Variants in TRIM7 observed in about 807,000 individuals in gnomAD.
The protein encoded by TRIM7 is tripartite motif containing 7.
In TRIM7, 32 loss-of-function variants were observed where a neutral mutation model predicts 37.9. That is an observed-to-expected ratio of 0.84 (90% CI 0.64 to 1.13). The LOEUF (loss-of-function observed/expected upper bound fraction) is 1.13. Among genes scored for constraint, TRIM7 ranks in the 50% most tolerant of loss-of-function variants. The pLI is 0.00. For missense variants in TRIM7, 732 were observed against 714.0 expected (o/e 1.03, Z -0.29); for synonymous variants, 351 against 321.3 (o/e 1.09, Z -0.99).
intron 2 of TRIM7, chr5:181,200,326 C>T: frequency 7.0e-7 from 1 of 1,428,802 alleles, no homozygotes. Context: ...TGGACCTGTG[C>T]TCCATCACCT....
intron 2 of TRIM7, chr5:181,200,705 A>G (rs1757430532): frequency 1.0e-6 from 1 of 990,218 alleles, no homozygotes. Context: ...CTTTCCATTA[A>G]CAGCATACAC....
At chr5:181,195,806 C>A (rs1757081634) in intron 6 of TRIM7, 129 bp from the exon 7 acceptor site, 1 of 1,265,506 alleles carries the variant, frequency 7.9e-7, no homozygotes, top group South Asian at 1.9e-5. Context: ...GCACCCAGCG[C>A]CAAGGCCCAA....
intron 1 of TRIM7, 29 bp from the exon 2 acceptor site, chr5:181,203,669 G>A: frequency 6.3e-7 from 1 of 1,578,974 alleles, no homozygotes; most frequent in Non-Finnish European, 8.6e-7. Context: ...AATGTAAGGT[G>A]GGGGTGAGGG....
chr5:181,194,837 T>G lies in TRIM7; in HGVS notation c.*329A>C. 3.9e-6 allele frequency: 1 copy of G among 258,728 alleles called. No individual in the cohort carries two copies. The highest frequency in any genetic ancestry group is 7.3e-6 in the Non-Finnish European group (1 of 136,742). 16.0% of individuals were successfully genotyped at this position (258,728 alleles called of 1,614,324 possible). A position where few individuals can be genotyped will look rare whatever the true frequency, so the allele number is the denominator to read the frequency against. ...ACAGCAGGACTGGCTTTGACATTGT[T>G]TTAGGGAGCCAGGCACCCTTCCCAG... On this transcript the variant is annotated 3_prime_UTR_variant, in exon 7 of 7. Coordinates refer to ENST00000274773, the MANE Select transcript of TRIM7 (RefSeq NM_203293.3).
intron 1 of TRIM7, chr5:181,203,922 AAG>A: frequency 8.5e-7 from 1 of 1,176,844 alleles, no homozygotes; most frequent in African/African-American, 1.6e-5. Flanking sequence ...CCCCACCAGG[AAG>A]CCCCGTGGCT....
At chr5:181,198,859 G>T in intron 4 of TRIM7, 54 bp from the exon 5 acceptor site, 1 of 1,412,380 alleles carries the variant, frequency 7.1e-7, no homozygotes, top group Non-Finnish European at 9.9e-7. Flanking sequence ...GCTCCCACAG[G>T]CTGTGACAAT....
intron 2 of TRIM7, chr5:181,200,935 C>T: frequency 2.0e-6 from 2 of 985,482 alleles, no homozygotes; most frequent in Non-Finnish European, 2.4e-6. Flanking sequence ...CTGCAGTAGC[C>T]TGGAGCGCCT....
chr5:181,203,909 C>T, intron 1 of TRIM7: 1 of 1,180,360 alleles, frequency 8.5e-7, no homozygotes, highest in Non-Finnish European at 1.0e-6. Context: ...CTACTCTCCG[C>T]CCCCCCACCA....
In TRIM7 at chr5:181,204,012, C is replaced by T; in HGVS notation, c.523-372G>A. 6 of 1,029,362 alleles carry T rather than the reference C, an allele frequency of 5.8e-6. No individual in the cohort carries two copies. The South Asian group carries it at 2.0e-4, about 35-fold the overall frequency. 63.8% of individuals were successfully genotyped at this position (1,029,362 alleles called of 1,614,324 possible). A position where few individuals can be genotyped will look rare whatever the true frequency, so the allele number is the denominator to read the frequency against. On this transcript the variant is annotated intron_variant, in intron 1 of 6. Coordinates refer to ENST00000274773, the MANE Select transcript of TRIM7 (RefSeq NM_203293.3). ...GAGCCTCCCCGCCCCGCCCTCACCC[C>T]TGCACACACCCTCGCTGAGGCTCAG...
chr5:181,198,054 G>C lies in TRIM7; in HGVS notation c.1024+129C>G. 2 of 911,080 alleles carry C rather than the reference G, an allele frequency of 2.2e-6. 1 individual carries two copies. Among genetic ancestry groups the C allele is most frequent in the South Asian group, 3.1e-5 (2 of 64,688 alleles). 56.4% of individuals were successfully genotyped at this position (911,080 alleles called of 1,614,324 possible). ...GGGTGGTGTGGGGGAGGGGACAGAG[G>C]AACAGGGTTGCTGAGGTGGGTGGGC... is the stretch of plus-strand genomic sequence containing the variant. On this transcript the variant is annotated intron_variant, in intron 6 of 6. Transcript: ENST00000274773.
Position 181,198,712 on chromosome 5 carries a change from T to C in TRIM7, c.966A>G (p.Lys322=). ...WNVSLKTFVL[K]GMLKKFKEDL... ...TACCTTTGAACTTCTTCAGCATCCCTTTTAAGACAAAGGTCTTGAGAGAAA... is the reference window on the plus strand; with the variant it reads ...TACCTTTGAACTTCTTCAGCATCCCCTTTAAGACAAAGGTCTTGAGAGAAA... Residue 322 remains lysine, a synonymous_variant, in exon 5 of 7, where the codon AAA becomes AAG. Coordinates refer to ENST00000274773, the MANE Select transcript of TRIM7 (RefSeq NM_203293.3). The C allele has an allele frequency of 6.2e-7, 1 of 1,612,896 alleles. No homozygotes were observed. Among genetic ancestry groups the C allele is most frequent in the Non-Finnish European group, 8.5e-7 (1 of 1,179,086 alleles).
chr5:181,198,049 C>T, intron 6 of TRIM7, 134 bp downstream of exon 6: 3 of 853,726 alleles, frequency 3.5e-6, no homozygotes. Context: ...GGGGAGGGGA[C>T]AGAGGAACAG....
At position 181,204,979 on chromosome 5, in the gene TRIM7, G is replaced by A. The variant is rs1451389330; in HGVS notation, c.132C>T (p.Cys44=). Residue 44 remains cysteine, a synonymous_variant, in exon 1 of 7, where the codon TGC becomes TGT. Coordinates refer to ENST00000274773, the MANE Select transcript of TRIM7 (RefSeq NM_203293.3). The part of the protein sequence containing the change: ...ELFREPVSVE[C]GHSFCRACIG... ...TGCAGGCGCGGCAGAAGCTGTGGCCGCACTCGACGGACACCGGCTCACGAA... is the reference window on the plus strand; with the variant it reads ...TGCAGGCGCGGCAGAAGCTGTGGCCACACTCGACGGACACCGGCTCACGAA... 2.0e-6 allele frequency: 3 copies of A among 1,483,482 alleles called. No homozygotes were observed. The highest frequency in any genetic ancestry group is 2.4e-5 in the Admixed American group (1 of 42,352). 91.9% of individuals were successfully genotyped at this position (1,483,482 alleles called of 1,614,324 possible).
At position 181,204,627 on chromosome 5, in the gene TRIM7, C is replaced by T; in HGVS notation, c.484G>A (p.Ala162Thr). ...CDRAREHREH[A>T]VLPLDEAVQE... The stretch of plus-strand genomic sequence containing the variant: ...ACCGCCTCGTCCAGCGGCAGCACGG[C>T]GTGCTCGCGGTGCTCGCGGGCGCGG... Residue 162 changes from alanine to threonine, a missense_variant, in exon 1 of 7, where the codon GCC becomes ACC. By Grantham distance (58) the Ala-to-Thr change is moderately conservative. Transcript: ENST00000274773. 1.4e-6 allele frequency: 2 copies of T among 1,475,566 alleles called. No individual in the cohort carries two copies. The highest frequency in any genetic ancestry group is 8.9e-7 in the Non-Finnish European group (1 of 1,126,550). The allele number at this position is 1,475,566 out of a possible 1,614,324, so 91.4% of individuals were successfully genotyped here.
At chr5:181,200,650 A>G in intron 2 of TRIM7, 1 of 999,728 alleles carries the variant, frequency 1.0e-6, no homozygotes, top group Non-Finnish European at 1.2e-6. Context: ...CACACCCCCA[A>G]GGAACGAAGT....
At chr5:181,198,603 G>T in intron 5 of TRIM7, 87 bp downstream of exon 5, 1 of 922,622 alleles carries the variant, frequency 1.1e-6, no homozygotes. Context: ...CACAGCTTCT[G>T]GAAAGCACAC....
chr5:181,195,250 G>T lies in TRIM7; in HGVS notation c.1452C>A (p.Tyr484Ter). 6.2e-7 allele frequency: 1 copy of T among 1,612,854 alleles called. No homozygotes were observed. Among genetic ancestry groups the T allele is most frequent in the Non-Finnish European group, 8.5e-7 (1 of 1,179,542 alleles). Residue 484 changes from tyrosine (Y) to a stop codon, truncating the protein, a stop_gained, in exon 7 of 7, where the codon TAC (tyrosine) becomes TAA (stop). Coordinates refer to ENST00000274773, the MANE Select transcript of TRIM7 (RefSeq NM_203293.3). LOFTEE classifies it high-confidence loss of function. The part of the protein sequence containing the change: ...FYAVEDMRHL[Y>*]TFRVNFQERV... ...GCTCCTGGAAGTTGACGCGGAAGGT[G>T]TAGAGGTGGCGCATGTCCTCCACAG... is the stretch of plus-strand genomic sequence containing the variant.
chr5:181,201,048 G>A, intron 2 of TRIM7: 1 of 411,216 alleles, frequency 2.4e-6, no homozygotes, highest in East Asian at 1.6e-4. Flanking sequence ...ACATCACCAG[G>A]AAGTGTTAAG....
rs545786462 is a variant in TRIM7, at chr5:181,196,498, A to G, written c.1025-821T>C. The G allele has an allele frequency of 4.6e-5, 7 of 152,368 alleles. No individual in the cohort carries two copies. The South Asian group carries it at 1.5e-3, about 32-fold the overall frequency. 9.4% of individuals were successfully genotyped at this position (152,368 alleles called of 1,614,324 possible). A position where few individuals can be genotyped will look rare whatever the true frequency, so the allele number is the denominator to read the frequency against. On this transcript the variant is annotated intron_variant, in intron 6 of 6. Coordinates refer to ENST00000274773, the MANE Select transcript of TRIM7 (RefSeq NM_203293.3). Reference sequence around the variant, plus strand: ...AGGCCAATGGGTCACATGAGGTCAGAAGTTTGGGACCAGCTTGGGCAACAT... The same window carrying G: ...AGGCCAATGGGTCACATGAGGTCAGGAGTTTGGGACCAGCTTGGGCAACAT...
Sources: allele counts gnomAD v4.1 joint callset, GRCh38; gene constraint gnomAD v4.1.1; transcripts MANE v1.5; gene names NCBI Gene and HGNC (gene_info 2026-07-23, HGNC 2026-07-21).